Variants in CRISPLD2 observed in about 807,000 individuals in gnomAD.
CRISPLD2 encodes cysteine rich secretory protein LCCL domain containing 2.
In CRISPLD2, 47 loss-of-function variants were observed where a neutral mutation model predicts 71.1. That is an observed-to-expected ratio of 0.66 (90% confidence interval 0.52 to 0.84). The LOEUF (loss-of-function observed/expected upper bound fraction) is 0.84, where lower values mean the gene tolerates loss of function less well. Ranked by LOEUF, CRISPLD2 falls within the 40% of genes least tolerant of loss-of-function variation. CRISPLD2 has a pLI of 0.00. For missense variants in CRISPLD2, 830 were observed against 651.1 expected (o/e 1.27, Z -2.99); for synonymous variants, 317 against 250.1 (o/e 1.27, Z -2.52).
chr16:84,844,352 A>G (rs1916853945), intron 2 of CRISPLD2, among the ~76,000 whole-genome samples: 1 of 152,220 alleles, frequency 6.6e-6, no homozygotes, highest in South Asian at 2.1e-4. Context: ...ATTGTGGTAA[A>G]GTATACGGAC....
intron 14 of CRISPLD2, among the ~76,000 whole-genome samples, chr16:84,902,717 C>T (rs940717153): frequency 6.6e-6 from 1 of 150,872 alleles, no homozygotes; most frequent in African/African-American, 2.5e-5. Flanking sequence ...GACTGGGGGC[C>T]CTTTTGATTG....
intron 7 of CRISPLD2, 136 bp from the exon 8 acceptor site, chr16:84,868,715 A>G (rs756943833): frequency 5.1e-5 from 37 of 724,214 alleles, no homozygotes; most frequent in Non-Finnish European, 7.6e-5. Flanking sequence ...GCCTGCAACC[A>G]TCAGGCATTG....
chr16:84,879,986 A>G (rs922588430), intron 12 of CRISPLD2, among the ~76,000 whole-genome samples: 2 of 152,144 alleles, frequency 1.3e-5, no homozygotes, highest in Non-Finnish European at 2.9e-5. Flanking sequence ...CATGCCCTGG[A>G]GGATCTGTGG....
Position 84,909,421 on chromosome 16 carries a change from TAGA to T in CRISPLD2, c.*2781_*2783del, listed in dbSNP as rs2071833048. The T allele has an allele frequency of 6.5e-6, 1 of 152,702 alleles. No individual in the cohort carries two copies. Among genetic ancestry groups the T allele is most frequent in the African/African-American group, 2.4e-5 (1 of 41,478 alleles). 9.5% of individuals were successfully genotyped at this position (152,702 alleles called of 1,614,324 possible). ...GGCCACGTTGTTGCAATTGTTTCAG[TAGA>T]ACTGGTTTGATTTCTAAAATGTTCC... On this transcript the variant is annotated 3_prime_UTR_variant, in exon 15 of 15. Coordinates refer to ENST00000262424, the MANE Select transcript of CRISPLD2 (RefSeq NM_031476.4).
chr16:84,890,823 G>A (rs978943824), intron 14 of CRISPLD2, among the ~76,000 whole-genome samples: 2 of 152,134 alleles, frequency 1.3e-5, no homozygotes, highest in African/African-American at 4.8e-5. Context: ...ACCAAACAAA[G>A]TCCCTAGAAG....
At chr16:84,865,856 G>T (rs528026552) in intron 6 of CRISPLD2, among the ~76,000 whole-genome samples, 53 of 152,234 alleles carry the variant, frequency 3.5e-4, no homozygotes, top group African/African-American at 1.3e-3. Context: ...AATGTGTTTG[G>T]TTAATTAAAA....
At chr16:84,874,908 G>C (rs1227307652) in intron 11 of CRISPLD2, among the ~76,000 whole-genome samples, 2 of 152,072 alleles carry the variant, frequency 1.3e-5, no homozygotes, top group African/African-American at 4.8e-5. Flanking sequence ...ACTTGAAATG[G>C]AGTTACATAC....
intron 13 of CRISPLD2, among the ~76,000 whole-genome samples, chr16:84,884,684 CG>C (rs995928200): frequency 5.9e-5 from 9 of 152,136 alleles, no homozygotes; most frequent in Admixed American, 5.9e-4. Context: ...ATATTGATAA[CG>C]GGGCGGTACC....
chr16:84,861,889 C>T (rs779124816), intron 6 of CRISPLD2, among the ~76,000 whole-genome samples: 5 of 152,154 alleles, frequency 3.3e-5, no homozygotes, highest in Non-Finnish European at 7.4e-5. Context: ...ATGATGGCGC[C>T]ACTGCACTCC....
intron 8 of CRISPLD2, among the ~76,000 whole-genome samples, chr16:84,871,928 A>T (rs575443719): frequency 6.7e-6 from 1 of 149,882 alleles, no homozygotes; most frequent in East Asian, 2.0e-4. Flanking sequence ...ATTTCTGTGG[A>T]TTCAACCGGC....
intron 6 of CRISPLD2, among the ~76,000 whole-genome samples, chr16:84,858,541 G>A (rs1245322287): frequency 3.3e-5 from 5 of 152,300 alleles, no homozygotes; most frequent in East Asian, 1.9e-4. Flanking sequence ...CCATCCTCTG[G>A]CACACAAATG....
intron 14 of CRISPLD2, among the ~76,000 whole-genome samples, chr16:84,890,125 G>A (rs1417166197): frequency 5.3e-5 from 8 of 152,146 alleles, no homozygotes; most frequent in South Asian, 2.1e-4. Context: ...TTGGGAGGCC[G>A]AGGCAGGCAG....
At chr16:84,847,925 G>A (rs1374260686) in intron 3 of CRISPLD2, among the ~76,000 whole-genome samples, 2 of 152,234 alleles carry the variant, frequency 1.3e-5, no homozygotes, top group East Asian at 3.9e-4. Flanking sequence ...TCTGTGGACA[G>A]ACCAAAGTTG....
At chr16:84,854,633 C>T (rs976865127) in intron 5 of CRISPLD2, 96 bp from the exon 6 acceptor site, 12 of 839,920 alleles carry the variant, frequency 1.4e-5, no homozygotes, top group East Asian at 2.4e-5. Flanking sequence ...CTGTCAGTGG[C>T]GGTGTTCAGG....
intron 13 of CRISPLD2, 109 bp downstream of exon 13, chr16:84,880,693 A>AAATT (rs35870995): frequency 0.12 from 72,657 of 592,712 alleles, 5,747 homozygotes; most frequent in Admixed American, 0.21. Context: ...CCTCTTAGCT[A>AAATT]AATTAATTAA....
rs2071829981 is a variant in CRISPLD2 at position 84,909,053 on chromosome 16, AT to A, written c.*2412del. The A allele has an allele frequency of 6.6e-6, 1 of 152,234 alleles. No homozygotes were observed. The highest frequency in any genetic ancestry group is 6.6e-5 in the Admixed American group (1 of 15,266). The allele number at this position is 152,234 out of a possible 1,614,324, so 9.4% of individuals were successfully genotyped here. A position where few individuals can be genotyped will look rare whatever the true frequency, so the allele number is the denominator to read the frequency against. Reference sequence around the variant, plus strand: ...AAACTGGAATATTTGTCTTCAGAAAATGGAAACAAGACTATAAATGATAAGC... The same window carrying A: ...AAACTGGAATATTTGTCTTCAGAAAAGGAAACAAGACTATAAATGATAAGC... On this transcript the variant is annotated 3_prime_UTR_variant, in exon 15 of 15. Transcript: ENST00000262424.
chr16:84,907,809 T>C lies in CRISPLD2; in HGVS notation c.*1167T>C, dbSNP rs1727132408. On this transcript the variant is annotated 3_prime_UTR_variant, in exon 15 of 15. Coordinates refer to ENST00000262424, the MANE Select transcript of CRISPLD2 (RefSeq NM_031476.4). ...GGGAATACACTAGAAGGATCTCTTT[T>C]CCTGTTTTCGTGAAACGACTCTTGC... The C allele has an allele frequency of 6.6e-6, 1 of 152,186 alleles. No individual in the cohort carries two copies. The highest frequency in any genetic ancestry group is 2.4e-5 in the African/African-American group (1 of 41,434). The allele number at this position is 152,186 out of a possible 1,614,324, so 9.4% of individuals were successfully genotyped here.
intron 12 of CRISPLD2, 109 bp from the exon 13 acceptor site, chr16:84,880,400 T>G: frequency 2.5e-6 from 2 of 792,310 alleles, no homozygotes; most frequent in Non-Finnish European, 4.0e-6. Flanking sequence ...GTATGGCGGT[T>G]TCCTTTCATC....
intron 8 of CRISPLD2, among the ~76,000 whole-genome samples, chr16:84,869,733 G>A (rs1044595081): frequency 2.0e-5 from 3 of 152,276 alleles, no homozygotes; most frequent in Non-Finnish European, 4.4e-5. Flanking sequence ...AGCAGGCAGC[G>A]CCTGGCAGGG....
Sources: allele counts gnomAD v4.1 joint callset (sites outside exome capture counted in the v4.1 genomes callset), GRCh38; gene constraint gnomAD v4.1.1; transcripts MANE v1.5; gene names NCBI Gene and HGNC (gene_info 2026-07-23, HGNC 2026-07-21).